The following FXN variants were observed in gnomAD, a reference collection of about 807,000 sequenced individuals.
The protein encoded by FXN is frataxin, also known as frataxin, mitochondrial.
In FXN, 14 loss-of-function variants were observed where a neutral mutation model predicts 22.4. That is an observed-to-expected ratio of 0.62 (90% CI 0.41 to 0.98). The LOEUF (loss-of-function observed/expected upper bound fraction) is 0.98, where lower values mean the gene tolerates loss of function less well. FXN is among the 50% of genes least tolerant of loss of function. FXN has a pLI of 0.00. For missense variants in FXN, 267 were observed against 268.4 expected (o/e 0.99, Z 0.04); for synonymous variants, 120 against 114.1 (o/e 1.05, Z -0.33).
chr9:69,036,538 G>A (rs1831554102), intron 1 of FXN, among the ~76,000 whole-genome samples: 1 of 152,164 alleles, frequency 6.6e-6, no homozygotes, highest in Non-Finnish European at 1.5e-5. Context: ...AAACTGACCC[G>A]ACCTTTATTC....
chr9:69,045,665 A>C (rs1483135215), intron 1 of FXN, among the ~76,000 whole-genome samples: 1 of 152,216 alleles, frequency 6.6e-6, no homozygotes, highest in Non-Finnish European at 1.5e-5. Flanking sequence ...TTAGTTGTTC[A>C]CCGGATGCAG....
intron 1 of FXN, among the ~76,000 whole-genome samples, chr9:69,041,638 G>C (rs952361939): frequency 6.6e-6 from 1 of 152,202 alleles, no homozygotes; most frequent in African/African-American, 2.4e-5. Flanking sequence ...AAGTGCTGTG[G>C]TTTGACAGGG....
chr9:69,041,042 A>G (rs904642881), intron 1 of FXN, among the ~76,000 whole-genome samples: 1 of 152,216 alleles, frequency 6.6e-6, no homozygotes. Context: ...ATAACATCCC[A>G]GACTAAGACA....
At position 69,077,377 on chromosome 9, in the gene FXN, G is replaced by A; in HGVS notation, c.*4615G>A. Reference sequence around the variant, plus strand: ...CAAGCTCATATGTTCCATCTTCTCTGGCTGTATAGTTTAAGGAATGGAAGG... The same window carrying A: ...CAAGCTCATATGTTCCATCTTCTCTAGCTGTATAGTTTAAGGAATGGAAGG... On this transcript the variant is annotated 3_prime_UTR_variant, in exon 5 of 5. Coordinates refer to ENST00000484259, the MANE Select transcript of FXN (RefSeq NM_000144.5). 1 of 985,410 alleles carries A rather than the reference G, an allele frequency of 1.0e-6. No homozygotes were observed. Among genetic ancestry groups the A allele is most frequent in the Non-Finnish European group, 1.2e-6 (1 of 829,926 alleles). The allele number at this position is 985,410 out of a possible 1,614,324, so 61.0% of individuals were successfully genotyped here.
chr9:69,074,476 G>A lies in FXN; in HGVS notation c.*1714G>A. On this transcript the variant is annotated 3_prime_UTR_variant, in exon 5 of 5. Coordinates refer to ENST00000484259, the MANE Select transcript of FXN (RefSeq NM_000144.5). ...TTGACCCCAGGCGGAGGAGGTTACA[G>A]TGAGTCGAGATCGTACCTGAGCGAC... The A allele has an allele frequency of 4.1e-6, 4 of 980,522 alleles. No individual in the cohort carries two copies. Among genetic ancestry groups the A allele is most frequent in the Non-Finnish European group, 4.8e-6 (4 of 826,198 alleles). The allele number at this position is 980,522 out of a possible 1,614,324, so 60.7% of individuals were successfully genotyped here. A position where few individuals can be genotyped will look rare whatever the true frequency, so the allele number is the denominator to read the frequency against.
intron 4 of FXN, among the ~76,000 whole-genome samples, chr9:69,066,889 GGACGGGGCAGGTTGAGACTGGGTGA>G (rs1246596945): frequency 6.6e-6 from 1 of 151,258 alleles, no homozygotes; most frequent in Non-Finnish European, 1.5e-5. Flanking sequence ...TATATATGGG[GGACGGGGCAGGTTGAGACTGGGTGA>G]GACTGAAGAG....
intron 3 of FXN, among the ~76,000 whole-genome samples, chr9:69,061,614 A>G (rs937385687): frequency 1.3e-5 from 2 of 151,918 alleles, no homozygotes; most frequent in African/African-American, 4.8e-5. Flanking sequence ...GGTGTGCTGC[A>G]CCCATTAACT....
intron 4 of FXN, among the ~76,000 whole-genome samples, chr9:69,070,394 G>A (rs986668092): frequency 9.9e-5 from 15 of 152,196 alleles, no homozygotes; most frequent in South Asian, 2.1e-4. Flanking sequence ...GGCTCCTGGC[G>A]CCCCGCCCAC....
chr9:69,046,377 G>A lies in FXN; in HGVS notation c.166-8G>A, dbSNP rs1331844925. On this transcript the variant is annotated splice_polypyrimidine_tract_variant and splice_region_variant and intron_variant, in intron 1 of 4. Coordinates refer to ENST00000484259, the MANE Select transcript of FXN (RefSeq NM_000144.5). ...AATAGTAACGTACTTCTTAACTTTG[G>A]CTTTCAGAGTTCGAACCAACGTGGC... is the stretch of plus-strand genomic sequence containing the variant. 1.9e-6 allele frequency: 3 copies of A among 1,608,434 alleles called. No individual in the cohort carries two copies. Among genetic ancestry groups the A allele is most frequent in the Admixed American group, 3.3e-5 (2 of 59,992 alleles).
In FXN at chr9:69,078,408, T is replaced by G; in HGVS notation, c.*5646T>G. 1.0e-6 allele frequency: 1 copy of G among 985,476 alleles called. No individual in the cohort carries two copies. Among genetic ancestry groups the G allele is most frequent in the Non-Finnish European group, 1.2e-6 (1 of 829,954 alleles). The allele number at this position is 985,476 out of a possible 1,614,324, so 61.0% of individuals were successfully genotyped here. On this transcript the variant is annotated 3_prime_UTR_variant, in exon 5 of 5. Coordinates refer to ENST00000484259, the MANE Select transcript of FXN (RefSeq NM_000144.5). ...GTGGAGGTCCTCATCATTTTTCACC[T>G]GCATTTTTGCAGGAGCTTTCTTATA...
At chr9:69,067,042 C>T (rs568252094) in intron 4 of FXN, among the ~76,000 whole-genome samples, 1 of 152,278 alleles carries the variant, frequency 6.6e-6, no homozygotes, top group African/African-American at 2.4e-5. Context: ...GGATGGGAGT[C>T]GGGGGAAGGG....
Position 69,073,040 on chromosome 9 carries a change from C to A in FXN, c.*278C>A. 3.0e-6 allele frequency: 4 copies of A among 1,316,430 alleles called. No individual in the cohort carries two copies. The highest frequency in any genetic ancestry group is 3.9e-6 in the Non-Finnish European group (4 of 1,032,802). The allele number at this position is 1,316,430 out of a possible 1,614,324, so 81.5% of individuals were successfully genotyped here. A position where few individuals can be genotyped will look rare whatever the true frequency, so the allele number is the denominator to read the frequency against. The stretch of plus-strand genomic sequence containing the variant: ...TCTTTTATAATGTCTTATGCCTATA[C>A]CTGAATATAACAACCTTTAAAAAAG... On this transcript the variant is annotated 3_prime_UTR_variant, in exon 5 of 5. Coordinates refer to ENST00000484259, the MANE Select transcript of FXN (RefSeq NM_000144.5).
intron 3 of FXN, among the ~76,000 whole-genome samples, chr9:69,056,899 C>A (rs1396203576): frequency 7.0e-6 from 1 of 143,808 alleles, no homozygotes; most frequent in Non-Finnish European, 1.6e-5. Context: ...CCTGCCACCA[C>A]GCCTGGCTAA....
chr9:69,067,661 T>C (rs1227019609), intron 4 of FXN, among the ~76,000 whole-genome samples: 2 of 152,122 alleles, frequency 1.3e-5, no homozygotes, highest in African/African-American at 4.8e-5. Flanking sequence ...ATAAAGATCA[T>C]CCTTGAGTCT....
At chr9:69,040,396 C>G (rs950729586) in intron 1 of FXN, among the ~76,000 whole-genome samples, 2 of 152,142 alleles carry the variant, frequency 1.3e-5, no homozygotes, top group Non-Finnish European at 2.9e-5. Context: ...CTGCCGGGCG[C>G]GGTGGCTCAC....
intron 1 of FXN, among the ~76,000 whole-genome samples, chr9:69,039,864 C>T (rs1198170843): frequency 6.6e-6 from 1 of 152,126 alleles, no homozygotes; most frequent in Non-Finnish European, 1.5e-5. Flanking sequence ...AAAGTCAAGT[C>T]CCTTCTTGCT....
intron 1 of FXN, among the ~76,000 whole-genome samples, chr9:69,037,717 G>T (rs1831589546): frequency 6.6e-6 from 1 of 152,174 alleles, no homozygotes; most frequent in Admixed American, 6.5e-5. Flanking sequence ...TTGTTGCCCA[G>T]GCTGGAGTGC....
chr9:69,041,103 T>C (rs545675155), intron 1 of FXN, among the ~76,000 whole-genome samples: 2 of 152,334 alleles, frequency 1.3e-5, no homozygotes, highest in Admixed American at 6.5e-5. Flanking sequence ...AGAATTTGTT[T>C]GTTCCTCTGG....
At chr9:69,036,372 A>G (rs1484509027) in intron 1 of FXN, among the ~76,000 whole-genome samples, 1 of 152,202 alleles carries the variant, frequency 6.6e-6, no homozygotes, top group African/African-American at 2.4e-5. Flanking sequence ...GTATCTGTAT[A>G]TAGCGTGTGT....
Sources: gnomAD v4.1 joint callset for allele counts (sites outside exome capture counted in the v4.1 genomes callset) on GRCh38, gnomAD v4.1.1 for gene constraint, MANE v1.5 for transcripts, NCBI Gene and HGNC (gene_info 2026-07-23, HGNC 2026-07-21) for gene names.